The following STXBP5L variants were observed in gnomAD, a reference collection of about 807,000 sequenced individuals.
The protein encoded by STXBP5L is syntaxin-binding protein 5-like.
In STXBP5L, 65 loss-of-function variants were observed where a neutral mutation model predicts 144.5. The ratio of observed to expected loss-of-function variants is 0.45; its 90% CI spans 0.37 to 0.55. STXBP5L has a LOEUF of 0.55. Ranked by LOEUF, STXBP5L falls within the 20% of genes least tolerant of loss-of-function variation. The probability of loss-of-function intolerance (pLI) is 0.00; values close to 1 mark genes in which losing one functional copy is unlikely to be tolerated. For synonymous variants in STXBP5L, 505 were observed against 469.6 expected, an observed-to-expected ratio of 1.08 and a Z score of -0.97; for missense variants, 1,298 against 1,405.5, an observed-to-expected ratio of 0.92 and a Z score of 1.22.
chr3:121,274,797 T>C (rs2108428452), intron 18 of STXBP5L, among the ~76,000 whole-genome samples: 1 of 152,262 alleles, frequency 6.6e-6, no homozygotes, highest in African/African-American at 2.4e-5. Context: ...CCAGGGGTGA[T>C]GAGACATAGT....
intron 3 of STXBP5L, among the ~76,000 whole-genome samples, chr3:121,027,425 C>G (rs1049276072): frequency 6.6e-6 from 1 of 152,038 alleles, no homozygotes; most frequent in African/African-American, 2.4e-5. Flanking sequence ...AGATCAGAAT[C>G]CCAAAATGAG....
chr3:121,418,705 C>T (rs1245408523), intron 26 of STXBP5L, 148 bp downstream of exon 26: 5 of 823,640 alleles, frequency 6.1e-6, no homozygotes, highest in Non-Finnish European at 9.4e-6. Flanking sequence ...TATTATAATT[C>T]TCCCAGTGCT....
chr3:121,049,974 G>T (rs1947835064), intron 5 of STXBP5L, among the ~76,000 whole-genome samples: 1 of 152,116 alleles, frequency 6.6e-6, no homozygotes, highest in South Asian at 2.1e-4. Context: ...CATGACAGAA[G>T]TGTGAATCCC....
Position 121,121,698 on chromosome 3 carries a change from A to C in STXBP5L, c.663A>C (p.Glu221Asp). Residue 221 changes from glutamate (E) to aspartate (D), a missense_variant, in exon 7 of 27, where the codon GAA (glutamate) becomes GAC (aspartate). Glu to Asp is a conservative substitution (Grantham distance 45). Transcript: ENST00000471454. ...ATTTAAGCGATAGCCCAAGAGATGA[A>C]GGCAAAGTGAGTATTATGATATCTT... is the stretch of plus-strand genomic sequence containing the variant. ...VVHLSDSPRD[E>D]GKLLIGYENG... 1 of 1,596,676 alleles carries C rather than the reference A, an allele frequency of 6.3e-7. No homozygotes were observed. Among genetic ancestry groups the C allele is most frequent in the Non-Finnish European group, 8.6e-7 (1 of 1,166,446 alleles).
intron 3 of STXBP5L, among the ~76,000 whole-genome samples, chr3:121,038,015 A>G (rs944607927): frequency 2.6e-5 from 4 of 151,982 alleles, no homozygotes; most frequent in African/African-American, 7.2e-5. Context: ...TCCTTATAAA[A>G]GGAAATGTGT....
chr3:120,989,292 A>G (rs1212743877), intron 3 of STXBP5L, among the ~76,000 whole-genome samples: 3 of 152,124 alleles, frequency 2.0e-5, no homozygotes, highest in Admixed American at 6.6e-5. Flanking sequence ...CCTCATCAAT[A>G]TCTGTTGTTG....
intron 5 of STXBP5L, among the ~76,000 whole-genome samples, chr3:121,077,377 C>T (rs189184438): frequency 9.9e-5 from 15 of 152,150 alleles, no homozygotes; most frequent in African/African-American, 1.7e-4. Context: ...GCGGAGTGTT[C>T]GGAGTTTGTT....
intron 20 of STXBP5L, among the ~76,000 whole-genome samples, chr3:121,329,781 A>G (rs1384691479): frequency 1.3e-5 from 2 of 151,946 alleles, no homozygotes; most frequent in African/African-American, 4.8e-5. Flanking sequence ...AATTGCTTGA[A>G]CCCAGGAGGA....
Position 121,338,708 on chromosome 3 carries a change from T to C in STXBP5L, c.2176+20168T>C, listed in dbSNP as rs576845011. ...GAAAGAAGGAAGGAAGGAAGGAAAA[T>C]GGAGGCATTACAGCTGATACCACAG... On this transcript the variant is annotated intron_variant, in intron 20 of 26. Transcript: ENST00000471454. Among the ~76,000 whole-genome samples the C allele has an allele frequency of 8.4e-5, 12 of 143,400 alleles. No homozygotes were observed. In the South Asian group the frequency reaches 2.7e-3, roughly 33 times the overall value. The allele number at this position is 143,400 out of a possible 152,430, so 94.1% of individuals were successfully genotyped here. A position where few individuals can be genotyped will look rare whatever the true frequency, so the allele number is the denominator to read the frequency against.
At chr3:121,179,852 C>G (rs1196676927) in intron 9 of STXBP5L, among the ~76,000 whole-genome samples, 1 of 152,020 alleles carries the variant, frequency 6.6e-6, no homozygotes, top group East Asian at 1.9e-4. Context: ...AGCTTGAAGA[C>G]AAGGCTTTCG....
chr3:121,423,202 T>C lies in STXBP5L; in HGVS notation c.*4105T>C, dbSNP rs2047391427. On this transcript the variant is annotated 3_prime_UTR_variant, in exon 27 of 27. Transcript: ENST00000471454. ...TCTGTGTCAGGAGAAACGTGGTGGC[T>C]TTCACAGCTTCTTCACCTCTGTCCT... 6.6e-6 allele frequency: 1 copy of C among 152,294 alleles called. No individual in the cohort carries two copies. Among genetic ancestry groups the C allele is most frequent in the Non-Finnish European group, 1.5e-5 (1 of 68,108 alleles). The allele number at this position is 152,294 out of a possible 1,614,324, so 9.4% of individuals were successfully genotyped here.
At chr3:121,105,419 T>TAAATAAATAAATAAATAAATAAAA (rs1364882737) in intron 5 of STXBP5L, among the ~76,000 whole-genome samples, 6 of 151,218 alleles carry the variant, frequency 4.0e-5, no homozygotes, top group Non-Finnish European at 7.4e-5. Context: ...AATAAATAAA[T>TAAATAAATAAATAAATAAATAAAA]AAAAAGATGT....
In STXBP5L at chr3:121,278,465, A is replaced by AT. The variant is rs532052866; in HGVS notation, c.1959-1334dup. ...AATGTCATGCATCCTAGTTGCCTACATTTTTTCAGTCATTATTGCATTTAG... is the reference window on the plus strand; with the variant it reads ...AATGTCATGCATCCTAGTTGCCTACATTTTTTTCAGTCATTATTGCATTTAG... On this transcript the variant is annotated intron_variant, in intron 18 of 26. Transcript: ENST00000471454. Among the ~76,000 whole-genome samples, 282 of 151,938 alleles carry AT rather than the reference A, an allele frequency of 1.9e-3. 3 individuals are homozygous for AT. The highest frequency in any genetic ancestry group is 0.017 in the Middle Eastern group (5 of 294).
chr3:121,077,251 A>G (rs1257187832), intron 5 of STXBP5L, among the ~76,000 whole-genome samples: 2 of 152,130 alleles, frequency 1.3e-5, no homozygotes, highest in African/African-American at 4.8e-5. Flanking sequence ...GGTCCCCAGA[A>G]ATGTTACGGG....
intron 3 of STXBP5L, among the ~76,000 whole-genome samples, chr3:121,029,260 C>T (rs767944619): frequency 1.3e-5 from 2 of 152,104 alleles, no homozygotes; most frequent in African/African-American, 2.4e-5. Flanking sequence ...GGAGGCATCA[C>T]GCTATGTGAC....
At chr3:121,112,135 C>G (rs1280721851) in intron 5 of STXBP5L, among the ~76,000 whole-genome samples, 1 of 151,930 alleles carries the variant, frequency 6.6e-6, no homozygotes, top group African/African-American at 2.4e-5. Context: ...ACCCCTCCCC[C>G]CAGGACTCAG....
chr3:121,002,771 G>A (rs1213674240), intron 3 of STXBP5L, among the ~76,000 whole-genome samples: 1 of 127,914 alleles, frequency 7.8e-6, no homozygotes, highest in Non-Finnish European at 1.5e-5. Context: ...TGTTCTCATT[G>A]TTCAATTCCC....
rs150582220 is a variant in STXBP5L, at chr3:121,281,529, GGT to G, written c.2110+1576_2110+1577del. 8.5e-3 allele frequency among the ~76,000 whole-genome samples: 1,286 copies of G among 152,082 alleles called. 19 individuals carry two copies. The highest frequency in any genetic ancestry group is 0.029 in the African/African-American group (1,191 of 41,542). ...CCTCAGTCATAATAACCATATTTCAGGTGTTCAGTTTGCAATGCTAAAAGCAC... is the reference window on the plus strand; with the variant it reads ...CCTCAGTCATAATAACCATATTTCAGGTTCAGTTTGCAATGCTAAAAGCAC... On this transcript the variant is annotated intron_variant, in intron 19 of 26. Coordinates refer to ENST00000471454, the MANE Select transcript of STXBP5L (RefSeq NM_001308330.2).
intron 9 of STXBP5L, among the ~76,000 whole-genome samples, chr3:121,183,297 A>G (rs955444223): frequency 6.6e-6 from 1 of 152,196 alleles, no homozygotes; most frequent in East Asian, 1.9e-4. Flanking sequence ...AGACAAAGCA[A>G]TCAGACAAGA....
Sources: allele counts gnomAD v4.1 joint callset (sites outside exome capture counted in the v4.1 genomes callset), GRCh38; gene constraint gnomAD v4.1.1; transcripts MANE v1.5; gene names NCBI Gene and HGNC (gene_info 2026-07-23, HGNC 2026-07-21).